Variants in PDZK1IP1 observed in about 807,000 individuals in gnomAD.
PDZK1IP1 encodes PDZK1-interacting protein 1.
In PDZK1IP1, 9 loss-of-function variants were observed where a neutral mutation model predicts 14.7. That is an observed-to-expected ratio of 0.61 (90% CI 0.37 to 1.07). PDZK1IP1 has a LOEUF of 1.07. PDZK1IP1 is among the 50% of genes least tolerant of loss of function. The pLI is 0.01. For missense variants in PDZK1IP1, 152 were observed against 148.7 expected (o/e 1.02, Z -0.11); for synonymous variants, 70 against 61.2 (o/e 1.14, Z -0.67).
Position 47,189,925 on chromosome 1 carries a change from G to C in PDZK1IP1, c.8C>G (p.Ala3Gly). The C allele has an allele frequency of 6.3e-7, 1 of 1,593,212 alleles. No individual in the cohort carries two copies. The highest frequency in any genetic ancestry group is 2.2e-5 in the East Asian group (1 of 44,690). The change falls in exon 1 of 4, where the codon GCC becomes GGC. Residue 3 changes from alanine (A) to glycine (G), a missense_variant. Coordinates refer to ENST00000294338, the MANE Select transcript of PDZK1IP1 (RefSeq NM_005764.4). MS[A>G]LSLLILGLLT... ...CAGGCCCAGAATGAGGAGGCTGAGG[G>C]CCGACATGGCTGCAGCAGCTCCTAG...
At chr1:47,185,880 C>T (rs1645316392) in intron 2 of PDZK1IP1, among the ~76,000 whole-genome samples, 2 of 152,118 alleles carry the variant, frequency 1.3e-5, no homozygotes, top group Admixed American at 6.5e-5. Context: ...CAGACCCCCT[C>T]CTGACCTCAT....
At chr1:47,184,841 C>T (rs1439012183) in intron 3 of PDZK1IP1, among the ~76,000 whole-genome samples, 161 bp downstream of exon 3, 1 of 151,458 alleles carries the variant, frequency 6.6e-6, no homozygotes, top group Non-Finnish European at 1.5e-5. Flanking sequence ...CTGCATTTTC[C>T]CCACAGAGCC....
Position 47,183,778 on chromosome 1 carries a change from A to G in PDZK1IP1, c.*193T>C. ...GCAGGAGACCCCAGGGCCACAGCCG[A>G]GCCCCAACCTAGACACGGTCTGAGC... On this transcript the variant is annotated 3_prime_UTR_variant, in exon 4 of 4. Transcript: ENST00000294338. 1.6e-6 allele frequency: 1 copy of G among 615,362 alleles called. No homozygotes were observed. The allele number at this position is 615,362 out of a possible 1,614,324, so 38.1% of individuals were successfully genotyped here. A position where few individuals can be genotyped will look rare whatever the true frequency, so the allele number is the denominator to read the frequency against.
intron 1 of PDZK1IP1, among the ~76,000 whole-genome samples, chr1:47,189,432 G>C (rs1203520521): frequency 6.6e-6 from 1 of 152,188 alleles, no homozygotes; most frequent in Non-Finnish European, 1.5e-5. Context: ...ATCCATTCAG[G>C]CAGAGCAGGA....
intron 2 of PDZK1IP1, among the ~76,000 whole-genome samples, chr1:47,186,223 G>A (rs766872495): frequency 5.9e-5 from 9 of 151,820 alleles, no homozygotes; most frequent in Non-Finnish European, 1.0e-4. Context: ...CAGGAGAACC[G>A]CTTGAACCCG....
intron 1 of PDZK1IP1, among the ~76,000 whole-genome samples, 168 bp from the exon 2 acceptor site, chr1:47,187,595 G>C (rs1473843052): frequency 6.6e-6 from 1 of 152,236 alleles, no homozygotes. Context: ...CAGCCCATCT[G>C]ACCCACTTAT....
chr1:47,185,774 G>A (rs754249355), intron 2 of PDZK1IP1, among the ~76,000 whole-genome samples: 1 of 151,960 alleles, frequency 6.6e-6, no homozygotes, highest in African/African-American at 2.4e-5. Context: ...CCTCGAGTCC[G>A]CTGCTGTCTG....
At chr1:47,184,536 C>T (rs1234057100) in intron 3 of PDZK1IP1, among the ~76,000 whole-genome samples, 3 of 11,982 alleles carry the variant, frequency 2.5e-4, no homozygotes, top group Non-Finnish European at 6.8e-4. Context: ...TGAGCTCCAT[C>T]CCCCACTGAG....
At position 47,189,999 on chromosome 1, in the gene PDZK1IP1, C is replaced by A. The variant is rs2148574139; in HGVS notation, c.-67G>T. 7.9e-7 allele frequency: 1 copy of A among 1,271,052 alleles called. No individual in the cohort carries two copies. The highest frequency in any genetic ancestry group is 2.6e-5 in the East Asian group (1 of 38,684). 78.7% of individuals were successfully genotyped at this position (1,271,052 alleles called of 1,614,324 possible). ...TGGGCTCCTGGAGCTGCTGTGGAGT[C>A]TATTGGTGTCCGCCTGAAATCAACC... On this transcript the variant is annotated 5_prime_UTR_variant, in exon 1 of 4. Transcript: ENST00000294338.
At chr1:47,187,144 C>T (rs936928632) in intron 2 of PDZK1IP1, among the ~76,000 whole-genome samples, 175 bp downstream of exon 2, 1 of 152,164 alleles carries the variant, frequency 6.6e-6, no homozygotes, top group African/African-American at 2.4e-5. Context: ...CTCTCATTCC[C>T]TCATCCCGAC....
At position 47,190,001 on chromosome 1, in the gene PDZK1IP1, A is replaced by T; in HGVS notation, c.-69T>A. 1 of 1,263,570 alleles carries T rather than the reference A, an allele frequency of 7.9e-7. No homozygotes were observed. The highest frequency in any genetic ancestry group is 1.1e-6 in the Non-Finnish European group (1 of 932,214). 78.3% of individuals were successfully genotyped at this position (1,263,570 alleles called of 1,614,324 possible). A position where few individuals can be genotyped will look rare whatever the true frequency, so the allele number is the denominator to read the frequency against. ...GGCTCCTGGAGCTGCTGTGGAGTCT[A>T]TTGGTGTCCGCCTGAAATCAACCTG... is the stretch of plus-strand genomic sequence containing the variant. On this transcript the variant is annotated 5_prime_UTR_variant, in exon 1 of 4. Transcript: ENST00000294338.
In PDZK1IP1 at chr1:47,185,093, G is replaced by A; in HGVS notation, c.181C>T (p.Pro61Ser). Reference protein sequence around the residue: ...NHFWCQEEPEPAHMILTVGNK... With the variant: ...NHFWCQEEPESAHMILTVGNK... ...CCGACGGTCAGGATCATGTGTGCAG[G>A]CTCCCTGGGGATGGGATTCATCAGT... Residue 61 changes from proline (P) to serine (S), a missense_variant, in exon 3 of 4, where the codon CCT becomes TCT. Physicochemically the swap from Pro to Ser is moderately conservative, Grantham distance 74 (BLOSUM62 -1). Coordinates refer to ENST00000294338, the MANE Select transcript of PDZK1IP1 (RefSeq NM_005764.4). 1.2e-6 allele frequency: 2 copies of A among 1,612,796 alleles called. No homozygotes were observed. Among genetic ancestry groups the A allele is most frequent in the South Asian group, 1.1e-5 (1 of 91,068 alleles).
Position 47,189,926 on chromosome 1 carries a change from C to T in PDZK1IP1, c.7G>A (p.Ala3Thr). The stretch of plus-strand genomic sequence containing the variant: ...AGGCCCAGAATGAGGAGGCTGAGGG[C>T]CGACATGGCTGCAGCAGCTCCTAGC... MS[A>T]LSLLILGLLT... The change falls in exon 1 of 4, where the codon GCC (alanine) becomes ACC (threonine). Residue 3 changes from alanine (A) to threonine (T), a missense_variant. By Grantham distance (58) the Ala-to-Thr change is moderately conservative (BLOSUM62 0). Transcript: ENST00000294338. The T allele has an allele frequency of 6.3e-7, 1 of 1,592,866 alleles. No individual in the cohort carries two copies. Among genetic ancestry groups the T allele is most frequent in the Non-Finnish European group, 8.5e-7 (1 of 1,177,328 alleles).
At chr1:47,187,203 AGCCT>A (rs1645324964) in intron 2 of PDZK1IP1, 112 bp downstream of exon 2, 10 of 732,308 alleles carry the variant, frequency 1.4e-5, no homozygotes, top group Non-Finnish European at 1.9e-5. Flanking sequence ...CCTTCCCTTG[AGCCT>A]CAGGGGGAGG....
intron 3 of PDZK1IP1, among the ~76,000 whole-genome samples, 153 bp from the exon 4 acceptor site, chr1:47,184,196 A>C (rs912324223): frequency 6.6e-6 from 1 of 151,784 alleles, no homozygotes; most frequent in Non-Finnish European, 1.5e-5. Flanking sequence ...GGGCTTATGC[A>C]TCCGAGACTG....
At chr1:47,185,340 T>G (rs751052786) in intron 2 of PDZK1IP1, 6 of 474,358 alleles carry the variant, frequency 1.3e-5, no homozygotes, top group Non-Finnish European at 2.3e-5. Context: ...AGCCTCTCTC[T>G]GTCCCAGACG....
rs112903344 is a variant in PDZK1IP1, at chr1:47,186,021, C to T, written c.177-924G>A. Among the ~76,000 whole-genome samples, 857 of 152,244 alleles carry T rather than the reference C, an allele frequency of 5.6e-3. 9 individuals carry two copies. Among genetic ancestry groups the T allele is most frequent in the African/African-American group, 0.02 (814 of 41,558 alleles). On this transcript the variant is annotated intron_variant, in intron 2 of 3. Transcript: ENST00000294338. Reference sequence around the variant, plus strand: ...ATCCCGAAACTGGCTTAAAAACTTGCCACTGGAGGCAGGGCATGGTGGCTC... The same window carrying T: ...ATCCCGAAACTGGCTTAAAAACTTGTCACTGGAGGCAGGGCATGGTGGCTC...
At chr1:47,189,640 G>A (rs531364979) in intron 1 of PDZK1IP1, among the ~76,000 whole-genome samples, 1 of 152,204 alleles carries the variant, frequency 6.6e-6, no homozygotes, top group South Asian at 2.1e-4. Flanking sequence ...CTCAAATCCT[G>A]TTCCTCCCTG....
Position 47,187,387 on chromosome 1 carries a change from C to A in PDZK1IP1, c.108G>T (p.Ala36=), listed in dbSNP as rs77207461. 1 of 1,612,768 alleles carries A rather than the reference C, an allele frequency of 6.2e-7. No individual in the cohort carries two copies. The highest frequency in any genetic ancestry group is 2.2e-5 in the East Asian group (1 of 44,886). ...NLQPWMQGLI[A]VAVFLVLVAI... ...CAACGAGGACCAGGAACACGGCCACCGCGATAAGGCCCTGCATCCAGGGCT... is the reference window on the plus strand; with the variant it reads ...CAACGAGGACCAGGAACACGGCCACAGCGATAAGGCCCTGCATCCAGGGCT... The change falls in exon 2 of 4, where the codon GCG becomes GCT. Residue 36 remains alanine, a synonymous_variant. Transcript: ENST00000294338.
Sources: gnomAD v4.1 joint callset for allele counts (sites outside exome capture counted in the v4.1 genomes callset) on GRCh38, gnomAD v4.1.1 for gene constraint, MANE v1.5 for transcripts, NCBI Gene and HGNC (gene_info 2026-07-23, HGNC 2026-07-21) for gene names.